Variants in DCTN5 observed in about 807,000 individuals in gnomAD.
DCTN5 encodes dynactin subunit 5, also known as dynactin 4.
In DCTN5, 14 loss-of-function variants were observed where a neutral mutation model predicts 23.5. The observed-to-expected ratio is 0.60, with a 90% CI of 0.39 to 0.93. The LOEUF (loss-of-function observed/expected upper bound fraction) is 0.93, where lower values mean the gene tolerates loss of function less well. DCTN5 is among the 40% of genes least tolerant of loss of function. DCTN5 has a pLI of 0.00. For synonymous variants in DCTN5, 67 were observed against 79.6 expected (o/e 0.84, Z 0.84); for missense variants, 156 against 225.9 (o/e 0.69, Z 1.98).
chr16:23,661,361 C>A, intron 4 of DCTN5, 80 bp downstream of exon 4: 1 of 993,574 alleles, frequency 1.0e-6, no homozygotes, highest in Non-Finnish European at 1.6e-6. Context: ...GACCCTGTTT[C>A]TGTGACTAAG....
chr16:23,665,566 GA>G (rs1302400985), intron 4 of DCTN5, 59 bp from the exon 5 acceptor site: 1 of 1,490,446 alleles, frequency 6.7e-7, no homozygotes. Flanking sequence ...GGGGAAAATA[GA>G]AAGGAGCCTT....
At position 23,670,619 on chromosome 16, in the gene DCTN5, G is replaced by A. The variant is rs1481215924; in HGVS notation, c.*3475G>A. On this transcript the variant is annotated 3_prime_UTR_variant, in exon 6 of 6. Coordinates refer to ENST00000300087, the MANE Select transcript of DCTN5 (RefSeq NM_032486.4). ...ATAGGTAGTCAAATCCAGCTGGCTG[G>A]TCTCCTGGGGGTTAGCTTCCATGGA... The A allele has an allele frequency of 1.3e-5, 2 of 152,136 alleles. No individual in the cohort carries two copies. Among genetic ancestry groups the A allele is most frequent in the Non-Finnish European group, 2.9e-5 (2 of 68,038 alleles). 9.4% of individuals were successfully genotyped at this position (152,136 alleles called of 1,614,324 possible). A position where few individuals can be genotyped will look rare whatever the true frequency, so the allele number is the denominator to read the frequency against.
intron 2 of DCTN5, among the ~76,000 whole-genome samples, chr16:23,645,585 C>G (rs1257720169): frequency 6.6e-6 from 1 of 152,152 alleles, no homozygotes; most frequent in East Asian, 1.9e-4. Context: ...TTGCTGATAG[C>G]CTGAATCTAC....
intron 4 of DCTN5, among the ~76,000 whole-genome samples, chr16:23,662,563 G>T (rs914762198): frequency 6.6e-6 from 1 of 152,166 alleles, no homozygotes; most frequent in Admixed American, 6.5e-5. Context: ...GACCATTCCC[G>T]TTAATATGGA....
At chr16:23,665,103 TG>T (rs1258526280) in intron 4 of DCTN5, among the ~76,000 whole-genome samples, 1 of 152,314 alleles carries the variant, frequency 6.6e-6, no homozygotes, top group Admixed American at 6.5e-5. Context: ...CAGTGGGAAG[TG>T]CTGCTTTCCC....
At position 23,676,658 on chromosome 16, in the gene DCTN5, C is replaced by G. The variant is rs912552802; in HGVS notation, c.*9514C>G. ...TTTTAGCTGGTTAAGTCCAGGACCC[C>G]TACCAGGAAGAACTGAGGTCCATAT... On this transcript the variant is annotated 3_prime_UTR_variant, in exon 6 of 6. Transcript: ENST00000300087. 7 of 152,208 alleles carry G rather than the reference C, an allele frequency of 4.6e-5. No homozygotes were observed. The highest frequency in any genetic ancestry group is 1.0e-4 in the Non-Finnish European group (7 of 68,034). 9.4% of individuals were successfully genotyped at this position (152,208 alleles called of 1,614,324 possible).
In DCTN5 at chr16:23,661,255, G is replaced by A. The variant is rs1385097858; in HGVS notation, c.322G>A (p.Val108Ile). ...CAACGCAGCACAGATTGGTTCCTAT[G>A]TTCATGTTGGGAAGAACTGTGTGAT... Reference protein sequence around the residue: ...VVNAAQIGSYVHVGKNCVIGR... With the variant: ...VVNAAQIGSYIHVGKNCVIGR... Residue 108 changes from valine to isoleucine, a missense_variant, in exon 4 of 6, where the codon GTT becomes ATT. This residue lies in a region of DCTN5 where 153 missense variants were observed against 206.8 expected (regional missense o/e 0.74). Coordinates refer to ENST00000300087, the MANE Select transcript of DCTN5 (RefSeq NM_032486.4). 1 of 1,612,330 alleles carries A rather than the reference G, an allele frequency of 6.2e-7. No homozygotes were observed. The highest frequency in any genetic ancestry group is 1.1e-5 in the South Asian group (1 of 90,560).
chr16:23,665,183 A>G (rs567199079), intron 4 of DCTN5, among the ~76,000 whole-genome samples: 2 of 152,114 alleles, frequency 1.3e-5, no homozygotes, highest in Non-Finnish European at 2.9e-5. Context: ...CTGACCTGTT[A>G]TTGTTTCCAG....
chr16:23,672,644 T>G lies in DCTN5; in HGVS notation c.*5500T>G, dbSNP rs1215918069. ...GCAGAGTTGGGTTGGAATTCAAGCT[T>G]TGCCACCTGCTGGCTATAAACCTTG... On this transcript the variant is annotated 3_prime_UTR_variant, in exon 6 of 6. Coordinates refer to ENST00000300087, the MANE Select transcript of DCTN5 (RefSeq NM_032486.4). 6.6e-6 allele frequency: 1 copy of G among 152,220 alleles called. No individual in the cohort carries two copies. Among genetic ancestry groups the G allele is most frequent in the Admixed American group, 6.5e-5 (1 of 15,286 alleles). 9.4% of individuals were successfully genotyped at this position (152,220 alleles called of 1,614,324 possible).
At chr16:23,666,799 G>A (rs1027142939) in intron 5 of DCTN5, 28 of 546,164 alleles carry the variant, frequency 5.1e-5, no homozygotes, top group East Asian at 2.9e-4. Context: ...CCATTCTACC[G>A]TGTCATGCAT....
In DCTN5 at chr16:23,673,156, A is replaced by G. The variant is rs1968038466; in HGVS notation, c.*6012A>G. ...AAAAAAAAAAAAAACCACAACAACAACAACAAAAATTCCATGTTGACAAGG... is the reference window on the plus strand; with the variant it reads ...AAAAAAAAAAAAAACCACAACAACAGCAACAAAAATTCCATGTTGACAAGG... On this transcript the variant is annotated 3_prime_UTR_variant, in exon 6 of 6. Transcript: ENST00000300087. 6.6e-6 allele frequency: 1 copy of G among 151,930 alleles called. No homozygotes were observed. Among genetic ancestry groups the G allele is most frequent in the Middle Eastern group, 3.2e-3 (1 of 316 alleles). 9.4% of individuals were successfully genotyped at this position (151,930 alleles called of 1,614,324 possible). A position where few individuals can be genotyped will look rare whatever the true frequency, so the allele number is the denominator to read the frequency against.
chr16:23,645,114 TATATATA>T (rs1967413601), intron 2 of DCTN5, among the ~76,000 whole-genome samples: 4 of 40,722 alleles, frequency 9.8e-5, no homozygotes, highest in African/African-American at 4.1e-4. Flanking sequence ...TATATATATA[TATATATA>T]TATATATATA....
At chr16:23,648,928 G>C (rs1967537281) in intron 2 of DCTN5, among the ~76,000 whole-genome samples, 1 of 152,070 alleles carries the variant, frequency 6.6e-6, no homozygotes, top group East Asian at 1.9e-4. Flanking sequence ...CGTGATGTCA[G>C]CTCACTGCAA....
intron 4 of DCTN5, among the ~76,000 whole-genome samples, chr16:23,663,120 A>G (rs1967844979): frequency 6.6e-6 from 1 of 152,192 alleles, no homozygotes. Flanking sequence ...CCCATGTGAT[A>G]GTCTTAATTT....
In DCTN5 at chr16:23,676,750, A is replaced by G. The variant is rs1959229566; in HGVS notation, c.*9606A>G. The G allele has an allele frequency of 6.6e-6, 1 of 152,222 alleles. No individual in the cohort carries two copies. Among genetic ancestry groups the G allele is most frequent in the Admixed American group, 6.5e-5 (1 of 15,286 alleles). The allele number at this position is 152,222 out of a possible 1,614,324, so 9.4% of individuals were successfully genotyped here. On this transcript the variant is annotated 3_prime_UTR_variant, in exon 6 of 6. Coordinates refer to ENST00000300087, the MANE Select transcript of DCTN5 (RefSeq NM_032486.4). ...ATAATTTTGCTGTAAAGAAGCCTCAATAAGGAGATGGACTGTGTGAAAAGA... is the reference window on the plus strand; with the variant it reads ...ATAATTTTGCTGTAAAGAAGCCTCAGTAAGGAGATGGACTGTGTGAAAAGA...
At chr16:23,650,651 T>G in intron 2 of DCTN5, 1 of 1,104,412 alleles carries the variant, frequency 9.1e-7, no homozygotes, top group Non-Finnish European at 1.3e-6. Context: ...TTCACTGCTG[T>G]GTACAATTCC....
chr16:23,658,189 A>G (rs944372224), intron 2 of DCTN5, among the ~76,000 whole-genome samples: 8 of 152,164 alleles, frequency 5.3e-5, no homozygotes, highest in African/African-American at 1.9e-4. Context: ...GGGCATGAGG[A>G]CTTACCTGAG....
Position 23,667,072 on chromosome 16 carries a change from G to C in DCTN5, c.477G>C (p.Glu159Asp). 2 of 1,613,718 alleles carry C rather than the reference G, an allele frequency of 1.2e-6. No homozygotes were observed. The highest frequency in any genetic ancestry group is 1.3e-5 in the African/African-American group (1 of 75,012). ...GACTCTTCTCAGGGGAGCTCCCGGA[G>C]TGCACTCAGGAGCTGATGATTGACG... Reference protein sequence around the residue: ...CPGLFSGELPECTQELMIDVT... With the variant: ...CPGLFSGELPDCTQELMIDVT... Residue 159 changes from glutamate (E) to aspartate (D), a missense_variant, in exon 6 of 6, where the codon GAG (glutamate) becomes GAC (aspartate). Transcript: ENST00000300087.
rs1968055510 is a variant in DCTN5, at chr16:23,674,161, C to T, written c.*7017C>T. 6.6e-6 allele frequency: 1 copy of T among 152,242 alleles called. No individual in the cohort carries two copies. The highest frequency in any genetic ancestry group is 2.4e-5 in the African/African-American group (1 of 41,550). 9.4% of individuals were successfully genotyped at this position (152,242 alleles called of 1,614,324 possible). On this transcript the variant is annotated 3_prime_UTR_variant, in exon 6 of 6. Transcript: ENST00000300087. ...GCCTTGAGCTGTTTTAGCCTCAACA[C>T]GAGCTATGCTGAACTGAAAGCAGGC... is the stretch of plus-strand genomic sequence containing the variant.
Sources: gnomAD v4.1 joint callset for allele counts (sites outside exome capture counted in the v4.1 genomes callset) on GRCh38, gnomAD v4.1.1 for gene constraint, gnomAD v4.1.1 regional missense constraint, MANE v1.5 for transcripts, NCBI Gene and HGNC (gene_info 2026-07-23, HGNC 2026-07-21) for gene names.